TBXAS1: variants seen among roughly 807,000 people sequenced by gnomAD.
TBXAS1 encodes the protein thromboxane A synthase 1.
In TBXAS1, 48 loss-of-function variants were observed where a neutral mutation model predicts 60.7. The observed-to-expected ratio is 0.79, with a 90% CI of 0.63 to 1.01. The LOEUF (loss-of-function observed/expected upper bound fraction) is 1.01, where lower values mean the gene tolerates loss of function less well. TBXAS1 is among the 50% of genes least tolerant of loss of function. The pLI is 0.00. For missense variants in TBXAS1, 685 were observed against 686.3 expected, an observed-to-expected ratio of 1.00 and a Z score of 0.02; for synonymous variants, 287 against 269.7, an observed-to-expected ratio of 1.06 and a Z score of -0.63.
At chr7:139,893,767 C>T (rs1373142285) in intron 3 of TBXAS1, among the ~76,000 whole-genome samples, 1 of 152,216 alleles carries the variant, frequency 6.6e-6, no homozygotes, top group Non-Finnish European at 1.5e-5. Context: ...CCCATGCTCA[C>T]ACTGGCAGAT....
intron 1 of TBXAS1, among the ~76,000 whole-genome samples, chr7:139,868,267 T>C (rs1397259690): frequency 6.6e-6 from 1 of 152,214 alleles, no homozygotes; most frequent in Non-Finnish European, 1.5e-5. Context: ...CTTTTTTAAA[T>C]GGCACAGGAC....
At chr7:140,007,360 C>T (rs1236998996) in intron 10 of TBXAS1, among the ~76,000 whole-genome samples, 178 bp downstream of exon 10, 1 of 152,202 alleles carries the variant, frequency 6.6e-6, no homozygotes, top group Non-Finnish European at 1.5e-5. Context: ...CGCTTTCCTA[C>T]AGGTTAACAA....
chr7:139,921,094 TA>T (rs1432155117), intron 4 of TBXAS1, among the ~76,000 whole-genome samples: 7 of 152,208 alleles, frequency 4.6e-5, no homozygotes, highest in Non-Finnish European at 1.0e-4. Context: ...AGTATTTTTT[TA>T]AATTGAAGTC....
intron 1 of TBXAS1, among the ~76,000 whole-genome samples, chr7:139,837,837 A>G (rs1338966724): frequency 6.6e-6 from 1 of 152,180 alleles, no homozygotes. Flanking sequence ...AACAAAACAA[A>G]ACAAAAAAGC....
chr7:139,978,683 A>G (rs1445064556), intron 9 of TBXAS1, among the ~76,000 whole-genome samples: 4 of 151,662 alleles, frequency 2.6e-5, no homozygotes, highest in African/African-American at 4.8e-5. Flanking sequence ...CACACCTGCA[A>G]TCCCAGCACT....
In TBXAS1 at chr7:139,955,471, T is replaced by C; in HGVS notation, c.552T>C (p.Asn184=). The change falls in exon 7 of 13, where the codon AAT becomes AAC. Residue 184 remains asparagine, a synonymous_variant. Coordinates refer to ENST00000448866, the MANE Select transcript of TBXAS1 (RefSeq NM_001061.7). ...DAFDIQRCYC[N]YTTDVVASVA... ...CCATCTCCCGTAGGTGCTACTGCAA[T>C]TACACCACAGATGTGGTTGCCAGCG... The C allele has an allele frequency of 1.2e-6, 2 of 1,614,190 alleles. No homozygotes were observed. The highest frequency in any genetic ancestry group is 1.1e-5 in the South Asian group (1 of 91,082).
chr7:139,915,838 C>T (rs1231087335), intron 4 of TBXAS1, among the ~76,000 whole-genome samples: 3 of 152,196 alleles, frequency 2.0e-5, no homozygotes, highest in Non-Finnish European at 4.4e-5. Context: ...TCCGGAGCGG[C>T]AGTTCTTAAT....
intron 6 of TBXAS1, among the ~76,000 whole-genome samples, chr7:139,954,308 T>C (rs1237856325): frequency 2.0e-5 from 3 of 152,370 alleles, no homozygotes; most frequent in South Asian, 2.1e-4. Context: ...CTGATTATTA[T>C]AGGATGCATG....
intron 4 of TBXAS1, among the ~76,000 whole-genome samples, chr7:139,806,040 T>C (rs1350160399): frequency 6.9e-6 from 1 of 145,950 alleles, no homozygotes; most frequent in Non-Finnish European, 1.5e-5. Flanking sequence ...GTTCACACCA[T>C]TCTCCTGCCT....
At chr7:139,809,320 TTAGATAGATAGATAGATAGATAGA>T (rs55917453) in intron 4 of TBXAS1, among the ~76,000 whole-genome samples, 1 of 144,814 alleles carries the variant, frequency 6.9e-6, no homozygotes, top group Non-Finnish European at 1.5e-5. Flanking sequence ...CAATAGGAGA[TTAGATAGATAGATAGATAGATAGA>T]TAGATAGATA....
rs1161194545 is a variant in TBXAS1, at chr7:140,004,804, C to G, written c.1135-2287C>G. Among the ~76,000 whole-genome samples, 1 of 152,234 alleles carries G rather than the reference C, an allele frequency of 6.6e-6. No individual in the cohort carries two copies. Among genetic ancestry groups the G allele is most frequent in the Non-Finnish European group, 1.5e-5 (1 of 68,044 alleles). Reference sequence around the variant, plus strand: ...ATCTCTAAACCTCTGTGCTATGACACCCTCAGTACCTGGGCTAGGGGTGGG... The same window carrying G: ...ATCTCTAAACCTCTGTGCTATGACAGCCTCAGTACCTGGGCTAGGGGTGGG... On this transcript the variant is annotated intron_variant, in intron 9 of 12. Coordinates refer to ENST00000448866, the MANE Select transcript of TBXAS1 (RefSeq NM_001061.7). This position sits in a 1 kb window ranked among gnomAD's most constrained non-coding sequence, Gnocchi z 5.1.
chr7:139,906,144 C>A, intron 3 of TBXAS1: 1 of 369,446 alleles, frequency 2.7e-6, no homozygotes. Context: ...CAACCTCCAC[C>A]TTCCAGGTTC....
Position 139,783,975 on chromosome 7 carries a change from C to T in TBXAS1, c.-169+1246C>T, listed in dbSNP as rs192374231. On this transcript the variant is annotated intron_variant, in intron 3 of 16. Transcript: ENST00000336425. The stretch of plus-strand genomic sequence containing the variant: ...TCTTCTTGAATCACTCCCCTCCCTT[C>T]ACATCCTTCACATGCATGCTTGTTT... Among the ~76,000 whole-genome samples the T allele has an allele frequency of 7.4e-4, 113 of 151,730 alleles. 1 individual carries two copies. Among genetic ancestry groups the T allele is most frequent in the South Asian group, 4.8e-3 (23 of 4,808 alleles).
intron 4 of TBXAS1, among the ~76,000 whole-genome samples, chr7:139,822,954 T>G (rs1459148539): frequency 2.0e-5 from 3 of 152,074 alleles, no homozygotes; most frequent in Non-Finnish European, 4.4e-5. Context: ...GCTCTGGCTT[T>G]CCCTGACCCT....
At chr7:139,947,868 CT>C (rs5887941) in intron 5 of TBXAS1, among the ~76,000 whole-genome samples, 107,700 of 146,010 alleles carry the variant, frequency 0.74, 40,394 homozygotes, top group African/African-American at 0.92. Flanking sequence ...AAACAACAGA[CT>C]TTTTTTTTTT....
chr7:139,790,049 A>G (rs1797334523), intron 4 of TBXAS1, among the ~76,000 whole-genome samples: 1 of 152,226 alleles, frequency 6.6e-6, no homozygotes, highest in Non-Finnish European at 1.5e-5. Flanking sequence ...ATTTAGGCCC[A>G]TGGACAAAAT....
chr7:139,963,152 C>G (rs1810505993), intron 9 of TBXAS1: 1 of 152,336 alleles, frequency 6.6e-6, no homozygotes, highest in African/African-American at 2.4e-5. Flanking sequence ...ACTGCATTCA[C>G]TGTGTTACTA....
At chr7:139,829,511 G>C (rs1371387923) in intron 1 of TBXAS1, 32 bp downstream of exon 1, 2 of 1,600,082 alleles carry the variant, frequency 1.2e-6, no homozygotes, top group Non-Finnish European at 1.7e-6. Context: ...GACTGTGACA[G>C]CGTCAGCCGT....
At chr7:139,964,049 G>C (rs576620332) in intron 9 of TBXAS1, among the ~76,000 whole-genome samples, 1 of 152,194 alleles carries the variant, frequency 6.6e-6, no homozygotes, top group East Asian at 1.9e-4. Flanking sequence ...AGTCATGAGG[G>C]TCACTCTGAC....
Sources: gnomAD v4.1 joint callset for allele counts (sites outside exome capture counted in the v4.1 genomes callset) on GRCh38, gnomAD v4.1.1 for gene constraint, Gnocchi (gnomAD v3.1) non-coding constraint, MANE v1.5 for transcripts, NCBI Gene and HGNC (gene_info 2026-07-23, HGNC 2026-07-21) for gene names.